Variants in A2M observed in about 807,000 individuals in gnomAD.
A2M encodes C3 and PZP-like alpha-2-macroglobulin domain-containing protein 5.
Under a neutral mutation model 183.9 loss-of-function variants are expected in A2M, and 128 were observed. That is an observed-to-expected ratio of 0.70 (90% CI 0.60 to 0.81). A2M has a LOEUF of 0.81. Among genes scored for constraint, A2M ranks in the 30% least tolerant of loss-of-function variants. A2M has a pLI of 0.00. For missense variants in A2M, 1,495 were observed against 1,787.6 expected (o/e 0.84, Z 2.95); for synonymous variants, 592 against 670.8 (o/e 0.88, Z 1.81).
At chr12:9,091,536 A>G (rs2137796517) in intron 18 of A2M, 107 bp from the exon 19 acceptor site, 1 of 1,122,648 alleles carries the variant, frequency 8.9e-7, no homozygotes, top group Non-Finnish European at 1.3e-6. Context: ...AAAACACTCA[A>G]TAGAAATACC....
chr12:9,069,104 T>C (rs1948485536), intron 33 of A2M: 1 of 278,670 alleles, frequency 3.6e-6, no homozygotes, highest in South Asian at 1.5e-4. Flanking sequence ...ATATACTTTT[T>C]ATTGGATGAC....
At chr12:9,100,948 A>G (rs1253651551) in intron 13 of A2M, among the ~76,000 whole-genome samples, 196 bp downstream of exon 13, 2 of 152,212 alleles carry the variant, frequency 1.3e-5, no homozygotes, top group African/African-American at 4.8e-5. Flanking sequence ...ATTGGGTACA[A>G]TGTATACTGC....
chr12:9,089,338 G>A (rs1367648378), intron 21 of A2M, 87 bp from the exon 22 acceptor site: 1 of 953,416 alleles, frequency 1.0e-6, no homozygotes, highest in African/African-American at 1.6e-5. Context: ...TATTTGGATA[G>A]TGAAGAGAAG....
intron 31 of A2M, among the ~76,000 whole-genome samples, chr12:9,072,017 C>T (rs1346140683): frequency 6.6e-6 from 1 of 152,110 alleles, no homozygotes; most frequent in African/African-American, 2.4e-5. Flanking sequence ...TCCTTCTATT[C>T]AAACTTTTCA....
At position 9,115,752 on chromosome 12, in the gene A2M, T is replaced by G. The variant is rs569652700; in HGVS notation, c.86+12A>C. The stretch of plus-strand genomic sequence containing the variant: ...CTAGGTTCATGCTTCACGCTCTCTG[T>G]GTGGAACTCACGGTTTTCCAGAGAC... On this transcript the variant is annotated intron_variant, in intron 1 of 35. Transcript: ENST00000318602. 1.9e-6 allele frequency: 3 copies of G among 1,603,510 alleles called. No homozygotes were observed. Among genetic ancestry groups the G allele is most frequent in the Non-Finnish European group, 2.6e-6 (3 of 1,170,432 alleles).
chr12:9,091,372 C>T lies in A2M; in HGVS notation c.2298G>A (p.Lys766=), dbSNP rs1007693348. The change falls in exon 19 of 36, where the codon AAG becomes AAA. Residue 766 remains lysine (K), a synonymous_variant. Coordinates refer to ENST00000318602, the MANE Select transcript of A2M (RefSeq NM_000014.6). ...VTVPDTITEW[K]AGAFCLSEDA... ...CTTCAGACAGGCAGAAGGCCCCTGC[C>T]TTCCACTCGGTGATGGTGTCAGGGA... 37 of 1,614,064 alleles carry T rather than the reference C, an allele frequency of 2.3e-5. No homozygotes were observed. The highest frequency in any genetic ancestry group is 3.3e-5 in the Admixed American group (2 of 60,002).
In A2M at chr12:9,076,889, C is replaced by G; in HGVS notation, c.3399G>C (p.Lys1133Asn). ...TGCCATGGTCCCCTTCTTGTGCTGTCTTCCAGGCTGACTCCAGGCAAAACA... is the reference window on the plus strand; with the variant it reads ...TGCCATGGTCCCCTTCTTGTGCTGTGTTCCAGGCTGACTCCAGGCAAAACA... ...NALFCLESAWKTAQEGDHGSH... is the reference protein window; with the variant it reads ...NALFCLESAWNTAQEGDHGSH... Residue 1133 changes from lysine (K) to asparagine (N), a missense_variant, in exon 28 of 36, where the codon AAG becomes AAC. Coordinates refer to ENST00000318602, the MANE Select transcript of A2M (RefSeq NM_000014.6). 1 of 1,611,000 alleles carries G rather than the reference C, an allele frequency of 6.2e-7. No homozygotes were observed. Among genetic ancestry groups the G allele is most frequent in the Non-Finnish European group, 8.5e-7 (1 of 1,178,364 alleles).
In A2M at chr12:9,072,736, G is replaced by A; in HGVS notation, c.3892C>T (p.Leu1298=). 1 of 1,614,198 alleles carries A rather than the reference G, an allele frequency of 6.2e-7. No homozygotes were observed. The highest frequency in any genetic ancestry group is 8.5e-7 in the Non-Finnish European group (1 of 1,180,036). ...GGCAATGAGACCTGCTGCAGTAACA[G>A]GCGGTTGTTGTTGTCCACTTGGAAT... is the stretch of plus-strand genomic sequence containing the variant. The part of the protein sequence containing the change: ...SKFQVDNNNR[L]LLQQVSLPEL... Residue 1298 remains leucine (L), a synonymous_variant, in exon 30 of 36, where the codon CTG becomes TTG. Transcript: ENST00000318602.
intron 28 of A2M, among the ~76,000 whole-genome samples, chr12:9,075,599 G>C (rs1224759763): frequency 6.6e-6 from 1 of 152,082 alleles, no homozygotes; most frequent in Non-Finnish European, 1.5e-5. Context: ...AAAATAAAAA[G>C]CAGACAAACA....
chr12:9,074,038 A>G (rs2137660090), intron 29 of A2M, among the ~76,000 whole-genome samples: 1 of 149,412 alleles, frequency 6.7e-6, no homozygotes, highest in East Asian at 2.0e-4. Context: ...CAGTGAGCCG[A>G]GATTGCACCA....
intron 13 of A2M, among the ~76,000 whole-genome samples, chr12:9,100,726 T>C (rs1413976388): frequency 6.6e-6 from 1 of 152,220 alleles, no homozygotes. Context: ...TCTCGTTACT[T>C]GAAAGTATTC....
intron 22 of A2M, among the ~76,000 whole-genome samples, chr12:9,080,966 T>C (rs571865356): frequency 6.6e-6 from 1 of 152,130 alleles, no homozygotes; most frequent in Non-Finnish European, 1.5e-5. Context: ...CTGATGAACA[T>C]ACATTTACTA....
chr12:9,077,237 G>A, intron 27 of A2M, 109 bp downstream of exon 27: 1 of 1,094,140 alleles, frequency 9.1e-7, no homozygotes, highest in African/African-American at 1.6e-5. Flanking sequence ...GCATTGCATA[G>A]AAAGAAAGCT....
intron 18 of A2M, among the ~76,000 whole-genome samples, chr12:9,092,818 T>C (rs1949252709): frequency 6.6e-6 from 1 of 152,222 alleles, no homozygotes; most frequent in African/African-American, 2.4e-5. Context: ...TGTTTTGGTG[T>C]TCATTACAGC....
chr12:9,072,816 CT>C lies in A2M; in HGVS notation c.3811del (p.Arg1271GlyfsTer8), dbSNP rs1301538976. ...LSKYGAATFT[R>X]TGKAAQVTIQ... is the part of the protein sequence containing the mutation. Reference sequence around the variant, plus strand: ...AGTCACCTGTGCAGCCTTCCCAGTCCTGGTAAATGTGGCTGCTCCATATTTG... The same window carrying C: ...AGTCACCTGTGCAGCCTTCCCAGTCCGGTAAATGTGGCTGCTCCATATTTG... On this transcript the variant is annotated frameshift_variant, in exon 30 of 36. Transcript: ENST00000318602. LOFTEE classifies it high-confidence loss of function. The C allele has an allele frequency of 6.2e-7, 1 of 1,614,158 alleles. No homozygotes were observed. The highest frequency in any genetic ancestry group is 1.3e-5 in the African/African-American group (1 of 75,028).
chr12:9,074,763 G>A lies in A2M; in HGVS notation c.3553C>T (p.Arg1185Cys), dbSNP rs1221498642. 7 of 1,612,580 alleles carry A rather than the reference G, an allele frequency of 4.3e-6. No individual in the cohort carries two copies. Among genetic ancestry groups the A allele is most frequent in the African/African-American group, 1.3e-5 (1 of 74,870 alleles). Residue 1185 changes from arginine (R) to cysteine (C), a missense_variant, in exon 29 of 36, where the codon CGC becomes TGC. By Grantham distance (180) the Arg-to-Cys change is radical. Coordinates refer to ENST00000318602, the MANE Select transcript of A2M (RefSeq NM_000014.6). ...VKKDNSVHWE[R>C]PQKPKAPVGH... ...ACTGGTGCCTTGGGTTTCTGAGGGC[G>A]CTCCCAATGGACAGAGTTGTCTTAA...
At position 9,070,510 on chromosome 12, in the gene A2M, G is replaced by C; in HGVS notation, c.4172C>G (p.Pro1391Arg). The part of the protein sequence containing the change: ...VDVKMVSGFI[P>R]LKPTVKMLER... ...TACCATTTTCACTGTTGGCTTCAGG[G>C]GAATGAAGCCAGAGACCATCTTCAC... Residue 1391 changes from proline (P) to arginine (R), a missense_variant, in exon 32 of 36, where the codon CCC (proline) becomes CGC (arginine). By Grantham distance (103) the Pro-to-Arg change is moderately radical. Coordinates refer to ENST00000318602, the MANE Select transcript of A2M (RefSeq NM_000014.6). 1 of 1,613,416 alleles carries C rather than the reference G, an allele frequency of 6.2e-7. No homozygotes were observed. The highest frequency in any genetic ancestry group is 8.5e-7 in the Non-Finnish European group (1 of 1,179,522).
chr12:9,070,700 A>T, intron 31 of A2M, 122 bp from the exon 32 acceptor site: 1 of 664,022 alleles, frequency 1.5e-6, no homozygotes, highest in East Asian at 2.8e-5. Context: ...CAAATATCTT[A>T]TCCCAGTGGT....
intron 35 of A2M, 168 bp from the exon 36 acceptor site, chr12:9,068,007 T>G: frequency 3.1e-6 from 3 of 968,498 alleles, no homozygotes; most frequent in Non-Finnish European, 4.8e-6. Context: ...ATGGACTCTC[T>G]GAGGTTTGAC....
Sources: allele counts gnomAD v4.1 joint callset (sites outside exome capture counted in the v4.1 genomes callset), GRCh38; gene constraint gnomAD v4.1.1; transcripts MANE v1.5; gene names NCBI Gene and HGNC (gene_info 2026-07-23, HGNC 2026-07-21).